APCDD1L: variants seen among roughly 807,000 people sequenced by gnomAD.
APCDD1L encodes APC down-regulated 1 like.
Under a neutral mutation model 24.2 loss-of-function variants are expected in APCDD1L, and 21 were observed. The ratio of observed to expected loss-of-function variants is 0.87; its 90% CI spans 0.61 to 1.25. The LOEUF (loss-of-function observed/expected upper bound fraction) is 1.25. Ranked by LOEUF, APCDD1L falls within the 50% of genes most tolerant of loss-of-function variation. The pLI is 0.00. For missense variants in APCDD1L, 704 were observed against 711.7 expected (o/e 0.99, Z 0.12); for synonymous variants, 321 against 323.6 (o/e 0.99, Z 0.09).
chr20:58,493,101 C>T (rs1990255313), intron 1 of APCDD1L, among the ~76,000 whole-genome samples: 2 of 152,152 alleles, frequency 1.3e-5, no homozygotes, highest in Non-Finnish European at 2.9e-5. Context: ...CGCACTCACA[C>T]ACAATGCAAG....
At chr20:58,490,307 C>A (rs1267415550) in intron 1 of APCDD1L, among the ~76,000 whole-genome samples, 2 of 152,200 alleles carry the variant, frequency 1.3e-5, no homozygotes, top group African/African-American at 4.8e-5. Context: ...CCTAGACCAG[C>A]TTCTGGTTCT....
At chr20:58,473,077 G>A (rs1379175876) in intron 1 of APCDD1L, among the ~76,000 whole-genome samples, 2 of 152,184 alleles carry the variant, frequency 1.3e-5, no homozygotes, top group Non-Finnish European at 2.9e-5. Context: ...AACAGAGCGA[G>A]GAAAAGGATC....
Position 58,467,259 on chromosome 20 carries a change from G to A in APCDD1L, c.588C>T (p.Leu196=), listed in dbSNP as rs1301726056. The A allele has an allele frequency of 6.3e-7, 1 of 1,580,190 alleles. No individual in the cohort carries two copies. The highest frequency in any genetic ancestry group is 1.1e-5 in the South Asian group (1 of 88,526). ...GGCGGCGCTGCACGCGGACCAGGCT[G>A]AGCTCGTGCATGGTGAGGCCCAGCG... ...LEALGLTMHE[L]SLVRVQRRLQ... is the part of the protein sequence containing the mutation. Residue 196 remains leucine, a synonymous_variant, in exon 3 of 4, where the codon CTC becomes CTT. Transcript: ENST00000371149. This position sits in a 1 kb window ranked among gnomAD's most constrained non-coding sequence, Gnocchi z 5.9.
intron 1 of APCDD1L, among the ~76,000 whole-genome samples, chr20:58,504,867 C>T (rs1990504373): frequency 6.6e-6 from 1 of 152,244 alleles, no homozygotes; most frequent in African/African-American, 2.4e-5. Context: ...CCACTTCTGA[C>T]ACCAGGACCA....
chr20:58,482,416 A>G (rs1269949482), intron 1 of APCDD1L, among the ~76,000 whole-genome samples: 1 of 152,218 alleles, frequency 6.6e-6, no homozygotes, highest in Non-Finnish European at 1.5e-5. Context: ...AGACGCAAAT[A>G]TTGGCTTAAG....
chr20:58,469,908 T>C (rs1298851612), intron 2 of APCDD1L, among the ~76,000 whole-genome samples: 1 of 152,174 alleles, frequency 6.6e-6, no homozygotes, highest in African/African-American at 2.4e-5. Context: ...TTTTCCCCGA[T>C]CCCTGCCCCA....
rs569426123 is a variant in APCDD1L, at chr20:58,509,247, C to T, written c.49+5412G>A. ...GGAAGCAGGCAGGACCAGGGCGGGC[C>T]GGGTGCTGTGAGCCACGTCAGGGCC... is the stretch of plus-strand genomic sequence containing the variant. On this transcript the variant is annotated intron_variant, in intron 1 of 3. Coordinates refer to ENST00000371149, the MANE Select transcript of APCDD1L (RefSeq NM_153360.3). Among the ~76,000 whole-genome samples, 31 of 152,120 alleles carry T rather than the reference C, an allele frequency of 2.0e-4. No individual in the cohort carries two copies. The South Asian group carries it at 5.8e-3, about 29-fold the overall frequency.
In APCDD1L at chr20:58,486,854, G is replaced by GTTTTTTTTTTTTTTTTT. The variant is rs747539318; in HGVS notation, c.50-16124_50-16108dup. Among the ~76,000 whole-genome samples, 4 of 80,440 alleles carry GTTTTTTTTTTTTTTTTT rather than the reference G, an allele frequency of 5.0e-5. 1 individual carries two copies. Among genetic ancestry groups the GTTTTTTTTTTTTTTTTT allele is most frequent in the Non-Finnish European group, 4.3e-5 (2 of 46,816 alleles). 52.8% of individuals were successfully genotyped at this position (80,440 alleles called of 152,430 possible). ...AGAAGGAAAATTTACTGGAGGGAAG[G>GTTTTTTTTTTTTTTTTT]TTTTTTTTTTTTTTTTTTTTTTTTT... On this transcript the variant is annotated intron_variant, in intron 1 of 3. Transcript: ENST00000371149.
intron 1 of APCDD1L, among the ~76,000 whole-genome samples, chr20:58,483,404 C>G (rs1202909114): frequency 6.6e-6 from 1 of 152,130 alleles, no homozygotes; most frequent in Non-Finnish European, 1.5e-5. Context: ...GCTGTGCCTC[C>G]TGGGTGGCAC....
At position 58,508,483 on chromosome 20, in the gene APCDD1L, A is replaced by G. The variant is rs1326217691; in HGVS notation, c.49+6176T>C. 1.3e-5 allele frequency among the ~76,000 whole-genome samples: 2 copies of G among 152,164 alleles called. No individual in the cohort carries two copies. The highest frequency in any genetic ancestry group is 2.4e-5 in the African/African-American group (1 of 41,432). Reference sequence around the variant, plus strand: ...CAGCATACAAGGCTTTTAAATCTCAAAATGCCCCCTGAAGTGGTTGACATC... The same window carrying G: ...CAGCATACAAGGCTTTTAAATCTCAGAATGCCCCCTGAAGTGGTTGACATC... On this transcript the variant is annotated intron_variant, in intron 1 of 3. Transcript: ENST00000371149. This position sits in a 1 kb window ranked among gnomAD's most constrained non-coding sequence, Gnocchi z 4.0.
intron 1 of APCDD1L, among the ~76,000 whole-genome samples, chr20:58,473,726 G>T (rs1989855490): frequency 6.6e-6 from 1 of 152,168 alleles, no homozygotes; most frequent in African/African-American, 2.4e-5. Context: ...TTAAATGCAT[G>T]GACCAAATTG....
intron 1 of APCDD1L, 41 bp from the exon 2 acceptor site, chr20:58,470,788 C>G: frequency 2.0e-6 from 3 of 1,499,630 alleles, no homozygotes; most frequent in Non-Finnish European, 2.7e-6. Context: ...CAGCATGCCC[C>G]GGGAACACCC....
chr20:58,511,698 G>A (rs1482327860), intron 1 of APCDD1L, among the ~76,000 whole-genome samples: 2 of 152,144 alleles, frequency 1.3e-5, no homozygotes, highest in East Asian at 1.9e-4. Context: ...ATACGATTAC[G>A]GGTCTCTATT....
chr20:58,510,418 C>T (rs1338109966), intron 1 of APCDD1L, among the ~76,000 whole-genome samples: 4 of 152,146 alleles, frequency 2.6e-5, no homozygotes, highest in Admixed American at 6.5e-5. Flanking sequence ...CTGCAACCTC[C>T]GCCTCCCGGG....
chr20:58,470,594 G>C lies in APCDD1L; in HGVS notation c.188+15C>G, dbSNP rs751449964. The C allele has an allele frequency of 6.3e-7, 1 of 1,581,850 alleles. No individual in the cohort carries two copies. The highest frequency in any genetic ancestry group is 1.2e-5 in the South Asian group (1 of 86,028). On this transcript the variant is annotated intron_variant, in intron 2 of 3. Coordinates refer to ENST00000371149, the MANE Select transcript of APCDD1L (RefSeq NM_153360.3). ...CAGTCCAGGGGTCCATGGTCAGGAT[G>C]ACCTGAAGTCTTACCCTGTGGAGAT...
rs576570338 is a variant in APCDD1L at position 58,461,300 on chromosome 20, G to A, written c.996C>T (p.Ala332=). The change falls in exon 4 of 4, where the codon GCC becomes GCT. Residue 332 remains alanine, a synonymous_variant. Coordinates refer to ENST00000371149, the MANE Select transcript of APCDD1L (RefSeq NM_153360.3). The surrounding 1 kb of genome is among the most constrained non-coding windows in gnomAD (Gnocchi z 6.0). ...ACRQPTFTVY[A]AGRYTRGTPS... is the part of the protein sequence containing the mutation. ...GCGTGCCCCTGGTGTAGCGGCCGGC[G>A]GCATACACGGTGAAGGTGGGCTGCC... 1.5e-5 allele frequency: 24 copies of A among 1,609,830 alleles called. No homozygotes were observed. The highest frequency in any genetic ancestry group is 2.2e-5 in the South Asian group (2 of 90,850).
intron 1 of APCDD1L, among the ~76,000 whole-genome samples, chr20:58,505,409 T>A (rs185511703): frequency 6.7e-4 from 102 of 152,282 alleles, no homozygotes; most frequent in African/African-American, 2.4e-3. Flanking sequence ...TATCCTCCCA[T>A]GTCAGTCCAT....
rs1990350057 is a variant in APCDD1L at position 58,497,581 on chromosome 20, C to T, written c.49+17078G>A. Among the ~76,000 whole-genome samples, 1 of 152,114 alleles carries T rather than the reference C, an allele frequency of 6.6e-6. No individual in the cohort carries two copies. Among genetic ancestry groups the T allele is most frequent in the African/African-American group, 2.4e-5 (1 of 41,424 alleles). Reference sequence around the variant, plus strand: ...TCCCTGCGTCTCTTCACATCGTCTTCCTTCGACGCAGGTCTGCGTCCAAAT... The same window carrying T: ...TCCCTGCGTCTCTTCACATCGTCTTTCTTCGACGCAGGTCTGCGTCCAAAT... On this transcript the variant is annotated intron_variant, in intron 1 of 3. Transcript: ENST00000371149. The surrounding 1 kb of genome is among the most constrained non-coding windows in gnomAD (Gnocchi z 4.3).
chr20:58,485,271 A>G (rs1294475433), intron 1 of APCDD1L, among the ~76,000 whole-genome samples: 2 of 152,240 alleles, frequency 1.3e-5, no homozygotes, highest in Admixed American at 6.5e-5. Flanking sequence ...TTGAATATGC[A>G]TTAATATGTC....
Sources: gnomAD v4.1 joint callset for allele counts (sites outside exome capture counted in the v4.1 genomes callset) on GRCh38, gnomAD v4.1.1 for gene constraint, Gnocchi (gnomAD v3.1) non-coding constraint, MANE v1.5 for transcripts, NCBI Gene and HGNC (gene_info 2026-07-23, HGNC 2026-07-21) for gene names.